The following UBE3D variants were observed in gnomAD, a reference collection of about 807,000 sequenced individuals.
UBE3D encodes E3 ubiquitin-protein ligase E3D.
Under a neutral mutation model 49.6 loss-of-function variants are expected in UBE3D, and 48 were observed. That is an observed-to-expected ratio of 0.97 (90% CI 0.77 to 1.23). The LOEUF (loss-of-function observed/expected upper bound fraction) is 1.23, where lower values mean the gene tolerates loss of function less well. Among genes scored for constraint, UBE3D ranks in the 50% most tolerant of loss-of-function variants. The pLI is 0.00. For missense variants in UBE3D, 452 were observed against 468.4 expected, an observed-to-expected ratio of 0.96 and a Z score of 0.32; for synonymous variants, 189 against 174.2, an observed-to-expected ratio of 1.08 and a Z score of -0.67.
At chr6:83,047,463 C>G (rs1314469896) in intron 3 of UBE3D, among the ~76,000 whole-genome samples, 1 of 152,206 alleles carries the variant, frequency 6.6e-6, no homozygotes, top group Admixed American at 6.5e-5. Flanking sequence ...GGGCAGCTCC[C>G]GTACCTCCCT....
chr6:82,923,193 G>C (rs1287776694), intron 9 of UBE3D, among the ~76,000 whole-genome samples: 3 of 152,168 alleles, frequency 2.0e-5, no homozygotes, highest in African/African-American at 4.8e-5. Context: ...ATTTGACCCA[G>C]CAATCCCATT....
intron 9 of UBE3D, among the ~76,000 whole-genome samples, chr6:82,943,278 C>T (rs169789): frequency 0.67 from 101,421 of 151,996 alleles, 34,442 homozygotes; most frequent in East Asian, 0.79. Flanking sequence ...ATACCCTATC[C>T]ACTGTCCCCC....
At position 83,065,827 on chromosome 6, in the gene UBE3D, G is replaced by C. The variant is rs966962155; in HGVS notation, c.-109C>G. The C allele has an allele frequency of 5.2e-6, 6 of 1,159,490 alleles. No individual in the cohort carries two copies. In the East Asian group the frequency reaches 1.3e-4, roughly 25 times the overall value. 71.8% of individuals were successfully genotyped at this position (1,159,490 alleles called of 1,614,324 possible). A position where few individuals can be genotyped will look rare whatever the true frequency, so the allele number is the denominator to read the frequency against. On this transcript the variant is annotated 5_prime_UTR_variant, in exon 1 of 10. Coordinates refer to ENST00000369747, the MANE Select transcript of UBE3D (RefSeq NM_198920.3). ...GACCAACCAGCGGCAGCCCCGCTGC[G>C]GCGCAGGCGCCTGTGCCAGATCGCA...
At chr6:83,021,955 G>A (rs1224124216) in intron 7 of UBE3D, among the ~76,000 whole-genome samples, 3 of 152,006 alleles carry the variant, frequency 2.0e-5, no homozygotes, top group Non-Finnish European at 4.4e-5. Context: ...TGTATCCGTA[G>A]TACCTAGTAC....
intron 9 of UBE3D, chr6:82,924,759 G>A (rs1357334871): frequency 2.0e-5 from 3 of 152,130 alleles, no homozygotes; most frequent in East Asian, 3.9e-4. Context: ...ATATTTTGAA[G>A]TTCAACTGTC....
At chr6:82,972,905 A>G (rs1456705467) in intron 8 of UBE3D, among the ~76,000 whole-genome samples, 1 of 152,192 alleles carries the variant, frequency 6.6e-6, no homozygotes, top group Non-Finnish European at 1.5e-5. Context: ...AAATAAAATC[A>G]TTACCAGTTA....
intron 3 of UBE3D, among the ~76,000 whole-genome samples, chr6:83,048,995 C>T (rs528365835): frequency 1.8e-4 from 28 of 152,052 alleles, no homozygotes; most frequent in Non-Finnish European, 3.4e-4. Context: ...TGAACAGCAA[C>T]ACAAATTCAC....
chr6:82,946,925 A>G (rs2127762123), intron 9 of UBE3D, among the ~76,000 whole-genome samples: 1 of 151,938 alleles, frequency 6.6e-6, no homozygotes, highest in East Asian at 1.9e-4. Flanking sequence ...AAAAAAAAAA[A>G]GCAAGAAATT....
chr6:82,963,189 T>C (rs1364407672), intron 8 of UBE3D, among the ~76,000 whole-genome samples: 1 of 143,320 alleles, frequency 7.0e-6, no homozygotes, highest in East Asian at 2.0e-4. Context: ...AAAGTTTTCA[T>C]CTTTTTTTTT....
At chr6:82,997,091 C>G (rs889565902) in intron 8 of UBE3D, among the ~76,000 whole-genome samples, 2 of 152,074 alleles carry the variant, frequency 1.3e-5, no homozygotes, top group Admixed American at 6.6e-5. Flanking sequence ...TAAATTACTT[C>G]TAAATTTTAG....
At chr6:83,055,646 C>G (rs1783769438) in intron 2 of UBE3D, among the ~76,000 whole-genome samples, 1 of 152,122 alleles carries the variant, frequency 6.6e-6, no homozygotes, top group African/African-American at 2.4e-5. Context: ...TGCGGGGGAT[C>G]AATCTAATGC....
chr6:83,018,204 G>GTACA (rs1163594514), intron 8 of UBE3D: 1 of 152,142 alleles, frequency 6.6e-6, no homozygotes, highest in Non-Finnish European at 1.5e-5. Flanking sequence ...CCATCTAAGA[G>GTACA]TACAGGACAA....
intron 8 of UBE3D, among the ~76,000 whole-genome samples, chr6:82,987,312 C>T (rs1778590695): frequency 6.6e-6 from 1 of 152,148 alleles, no homozygotes; most frequent in African/African-American, 2.4e-5. Flanking sequence ...CCACGCCTCA[C>T]CTATAACTTG....
At chr6:83,060,254 C>T (rs1784089976) in intron 1 of UBE3D, among the ~76,000 whole-genome samples, 1 of 152,068 alleles carries the variant, frequency 6.6e-6, no homozygotes, top group Non-Finnish European at 1.5e-5. Context: ...AGGATGCCAG[C>T]AGACTATTAA....
At chr6:82,920,967 G>A (rs1216100561) in intron 9 of UBE3D, among the ~76,000 whole-genome samples, 1 of 134,864 alleles carries the variant, frequency 7.4e-6, no homozygotes, top group Admixed American at 7.9e-5. Context: ...TTTTGAGACA[G>A]CGTCTTGCTG....
At chr6:83,033,134 G>A (rs1192985597) in intron 5 of UBE3D, among the ~76,000 whole-genome samples, 1 of 152,076 alleles carries the variant, frequency 6.6e-6, no homozygotes, top group Non-Finnish European at 1.5e-5. Flanking sequence ...AAGGAGCAAG[G>A]TGTCTCACAT....
chr6:82,923,175 G>A (rs2127737281), intron 9 of UBE3D, among the ~76,000 whole-genome samples: 1 of 152,284 alleles, frequency 6.6e-6, no homozygotes, highest in East Asian at 1.9e-4. Context: ...TCTAGAACTA[G>A]AAATACTATT....
At chr6:83,019,252 A>C (rs1780916517) in intron 7 of UBE3D, 116 bp from the exon 8 acceptor site, 3 of 960,066 alleles carry the variant, frequency 3.1e-6, no homozygotes, top group African/African-American at 1.7e-5. Flanking sequence ...AAATATGAGA[A>C]TCATGTACAT....
At chr6:82,954,037 G>A (rs1184287200) in intron 9 of UBE3D, among the ~76,000 whole-genome samples, 1 of 152,220 alleles carries the variant, frequency 6.6e-6, no homozygotes, top group Non-Finnish European at 1.5e-5. Context: ...TAGAGCCAGT[G>A]TGCCTGGAGC....
Sources: gnomAD v4.1 joint callset for allele counts (sites outside exome capture counted in the v4.1 genomes callset) on GRCh38, gnomAD v4.1.1 for gene constraint, MANE v1.5 for transcripts, NCBI Gene and HGNC (gene_info 2026-07-23, HGNC 2026-07-21) for gene names.